Variants in SIN3A observed in about 807,000 individuals in gnomAD.
The protein encoded by SIN3A is SIN3 transcription regulator family member A, also known as paired amphipathic helix protein Sin3a.
A neutral mutation model predicts 146.1 loss-of-function variants in SIN3A; 14 were observed. The observed-to-expected ratio is 0.10, with a 90% CI of 0.06 to 0.15. The LOEUF is 0.15. Among genes scored for constraint, SIN3A ranks in the 10% least tolerant of loss-of-function variants. The probability of loss-of-function intolerance (pLI) is 1.00; values close to 1 mark genes in which losing one functional copy is unlikely to be tolerated. For synonymous variants in SIN3A, 572 were observed against 572.0 expected, an observed-to-expected ratio of 1.00 and a Z score of 0.00; for missense variants, 1,028 against 1,576.0, an observed-to-expected ratio of 0.65 and a Z score of 5.89.
chr15:75,439,924 G>C (rs1394920116), intron 1 of SIN3A, among the ~76,000 whole-genome samples: 1 of 151,720 alleles, frequency 6.6e-6, no homozygotes, highest in East Asian at 2.0e-4. Context: ...GCTGAGGCGG[G>C]CGGATCACCT....
Position 75,381,721 on chromosome 15 carries a change from C to G in SIN3A, c.3196-16G>C. ...TAAACATAAGCTGCAAATAAGAAAC[C>G]TAAGCGTAAACAAAAGACCGTCTCT... On this transcript the variant is annotated splice_polypyrimidine_tract_variant and intron_variant, in intron 17 of 20. Coordinates refer to ENST00000394947, the MANE Select transcript of SIN3A (RefSeq NM_001145358.2). 2 of 1,599,696 alleles carry G rather than the reference C, an allele frequency of 1.3e-6. No homozygotes were observed. Among genetic ancestry groups the G allele is most frequent in the Admixed American group, 3.3e-5 (2 of 59,804 alleles).
intron 2 of SIN3A, among the ~76,000 whole-genome samples, chr15:75,427,045 A>G (rs887090055): frequency 6.6e-6 from 1 of 152,288 alleles, no homozygotes; most frequent in South Asian, 2.1e-4. Context: ...GGTGTGACAG[A>G]AAAAAAGTCA....
chr15:75,434,727 T>C (rs2074074872), intron 1 of SIN3A, among the ~76,000 whole-genome samples: 2 of 150,988 alleles, frequency 1.3e-5, no homozygotes, highest in South Asian at 4.2e-4. Context: ...GGCGAGTGGA[T>C]CACCTGACGT....
intron 19 of SIN3A, 115 bp downstream of exon 19, chr15:75,380,514 G>C (rs938544306): frequency 1.3e-6 from 1 of 765,804 alleles, no homozygotes; most frequent in East Asian, 2.7e-5. Flanking sequence ...AGCATCCCCA[G>C]CAGATAGAAC....
At chr15:75,434,924 G>C (rs1248347633) in intron 1 of SIN3A, among the ~76,000 whole-genome samples, 1 of 151,648 alleles carries the variant, frequency 6.6e-6, no homozygotes. Context: ...CTCCAGCCTG[G>C]GCAACAAGAG....
intron 1 of SIN3A, chr15:75,443,840 G>A (rs779293750): frequency 2.0e-5 from 3 of 152,224 alleles, no homozygotes; most frequent in Non-Finnish European, 4.4e-5. Context: ...GAGCCCAGAA[G>A]TTTGAGGCTG....
intron 18 of SIN3A, 65 bp downstream of exon 18, chr15:75,381,548 G>T: frequency 2.4e-6 from 3 of 1,265,682 alleles, no homozygotes; most frequent in Non-Finnish European, 3.4e-6. Context: ...CAGGGTCACT[G>T]GACAGACTCT....
intron 12 of SIN3A, 87 bp downstream of exon 12, chr15:75,399,953 A>G (rs2073380134): frequency 2.6e-6 from 2 of 777,236 alleles, no homozygotes; most frequent in African/African-American, 3.4e-5. Flanking sequence ...TGGCTCTTCC[A>G]TCTTAATAAC....
chr15:75,389,835 G>C lies in SIN3A; in HGVS notation c.2852-14C>G. The C allele has an allele frequency of 6.2e-7, 1 of 1,613,268 alleles. No individual in the cohort carries two copies. Among genetic ancestry groups the C allele is most frequent in the South Asian group, 1.1e-5 (1 of 90,980 alleles). On this transcript the variant is annotated splice_polypyrimidine_tract_variant and intron_variant, in intron 15 of 20. Transcript: ENST00000394947. ...CATCAACATCCACTGTGGGAGAGAT[G>C]GGATTGGTGAGGCCTTACCTTGCTA...
At chr15:75,452,306 G>T (rs2074424239), upstream of SIN3A, among the ~76,000 whole-genome samples, 1 of 152,186 alleles carries the variant, frequency 6.6e-6, no homozygotes, top group African/African-American at 2.4e-5. Flanking sequence ...TCCTTTTGTG[G>T]AATGTTTACA....
Position 75,400,722 on chromosome 15 carries a change from G to A in SIN3A, c.1737+8C>T. 1 of 1,610,948 alleles carries A rather than the reference G, an allele frequency of 6.2e-7. No individual in the cohort carries two copies. Among genetic ancestry groups the A allele is most frequent in the Non-Finnish European group, 8.5e-7 (1 of 1,178,250 alleles). On this transcript the variant is annotated splice_region_variant and intron_variant, in intron 11 of 20. Transcript: ENST00000394947. The stretch of plus-strand genomic sequence containing the variant: ...CCCAGGGCTGATCTTTGCTAGGGAA[G>A]GCCTTACCTCTTTACAGAGAGGAGT...
intron 2 of SIN3A, among the ~76,000 whole-genome samples, chr15:75,427,661 A>AAAAT (rs1035854347): frequency 5.3e-5 from 8 of 151,746 alleles, no homozygotes; most frequent in Admixed American, 1.3e-4. Flanking sequence ...GTCTGTCTCA[A>AAAAT]AAATAAATAA....
At chr15:75,409,497 C>T (rs973527927) in intron 8 of SIN3A, among the ~76,000 whole-genome samples, 4 of 151,010 alleles carry the variant, frequency 2.6e-5, no homozygotes, top group African/African-American at 7.3e-5. Flanking sequence ...GAGGCCGAGG[C>T]GGGCAGATCA....
chr15:75,404,594 T>C (rs780670996), intron 9 of SIN3A, among the ~76,000 whole-genome samples: 6 of 151,906 alleles, frequency 3.9e-5, no homozygotes, highest in African/African-American at 7.3e-5. Context: ...ACCCTGTCTC[T>C]ACTAAACATA....
intron 20 of SIN3A, among the ~76,000 whole-genome samples, chr15:75,374,046 C>A (rs1201713804): frequency 6.6e-6 from 1 of 152,196 alleles, no homozygotes; most frequent in Non-Finnish European, 1.5e-5. Context: ...AACCTCATAA[C>A]CCTTTCCTAT....
chr15:75,384,051 T>G (rs190143676), intron 17 of SIN3A: 3,312 of 315,464 alleles, frequency 0.01, 46 homozygotes, highest in Non-Finnish European at 0.013. Flanking sequence ...CATATATAAC[T>G]AGTTTTTTTT....
chr15:75,433,515 T>G (rs748102515), intron 1 of SIN3A, among the ~76,000 whole-genome samples: 5 of 152,118 alleles, frequency 3.3e-5, no homozygotes, highest in Non-Finnish European at 5.9e-5. Context: ...TCTACAACAC[T>G]ACAGAGGCTG....
chr15:75,377,606 C>A (rs997208957), intron 19 of SIN3A, among the ~76,000 whole-genome samples: 16 of 148,580 alleles, frequency 1.1e-4, no homozygotes, highest in Non-Finnish European at 1.8e-4. Flanking sequence ...GCTTGGGCAA[C>A]AGAGTGAGAC....
chr15:75,431,106 C>T (rs991019491), intron 1 of SIN3A, among the ~76,000 whole-genome samples: 4 of 152,174 alleles, frequency 2.6e-5, no homozygotes, highest in South Asian at 4.1e-4. Flanking sequence ...CCTCTCAAAA[C>T]CTACTACTAT....
Sources: gnomAD v4.1 joint callset for allele counts (sites outside exome capture counted in the v4.1 genomes callset) on GRCh38, gnomAD v4.1.1 for gene constraint, MANE v1.5 for transcripts, NCBI Gene and HGNC (gene_info 2026-07-23, HGNC 2026-07-21) for gene names.